The following BCOR variants were observed in gnomAD, a reference collection of about 807,000 sequenced individuals.
BCOR encodes the protein BCL-6 corepressor.
BCOR carries 10 observed loss-of-function variants against 86.7 expected under a neutral mutation model. The observed-to-expected ratio is 0.12, with a 90% CI of 0.07 to 0.20. BCOR has a LOEUF of 0.20. Among genes scored for constraint, BCOR ranks in the 10% least tolerant of loss-of-function variants. The pLI, the probability that BCOR is intolerant of heterozygous loss-of-function variation, is 1.00. For missense variants in BCOR, 1,259 were observed against 1,452.1 expected (o/e 0.87, Z 2.16); for synonymous variants, 611 against 609.0 (o/e 1.00, Z -0.05).
Position 40,168,222 on chromosome X carries a change from G to A in BCOR, c.-41+8785C>T, listed in dbSNP as rs1281951656. Among the ~76,000 whole-genome samples, 3 of 113,132 alleles carry A rather than the reference G, an allele frequency of 2.7e-5. No homozygotes were observed. In the Admixed American group the frequency reaches 2.8e-4, roughly 10 times the overall value. ...CTTTTCTTCCGTCCTTTATGTGTGC[G>A]GTCCTTTTGCATCAAGGAGCTCAGG... On this transcript the variant is annotated intron_variant, in intron 1 of 14. Coordinates refer to the BCOR transcript ENST00000342274.
At chrX:40,122,124 T>C (rs1006721130) in intron 1 of BCOR, among the ~76,000 whole-genome samples, 2 of 111,692 alleles carry the variant, frequency 1.8e-5, no homozygotes, top group Admixed American at 1.9e-4. Flanking sequence ...ACTTGAGATC[T>C]GGGGCTGGTC....
intron 1 of BCOR, among the ~76,000 whole-genome samples, chrX:40,160,515 CAAAA>C (rs774697720): frequency 5.0e-5 from 3 of 60,430 alleles, no homozygotes; most frequent in East Asian, 1.1e-3. Context: ...GACCCTGTCT[CAAAA>C]AAAAAAAAAA....
At chrX:40,159,510 C>G (rs1397608761) in intron 1 of BCOR, among the ~76,000 whole-genome samples, 3 of 110,777 alleles carry the variant, frequency 2.7e-5, no homozygotes, top group Admixed American at 9.5e-5. Context: ...ACGCGCCCGG[C>G]TAATTTTTTT....
intron 1 of BCOR, among the ~76,000 whole-genome samples, chrX:40,082,294 C>T (rs992717778): frequency 3.7e-5 from 4 of 107,297 alleles, no homozygotes; most frequent in African/African-American, 1.4e-4. Context: ...CTTGAGGCGC[C>T]GATCAGTTAA....
intron 13 of BCOR, 28 bp downstream of exon 13, chrX:40,054,228 C>T (rs1283963371): frequency 1.7e-5 from 20 of 1,188,232 alleles, no homozygotes; most frequent in East Asian, 5.9e-5. Flanking sequence ...TCACCTCCTA[C>T]GGAACTAGAG....
chrX:40,164,149 A>G (rs1448952073), intron 1 of BCOR, among the ~76,000 whole-genome samples: 1 of 112,621 alleles, frequency 8.9e-6, no homozygotes. Flanking sequence ...TACTGTGAGG[A>G]AGCCCATGCC....
At chrX:40,145,028 A>G (rs1271671126) in intron 1 of BCOR, among the ~76,000 whole-genome samples, 1 of 85,874 alleles carries the variant, frequency 1.2e-5, no homozygotes, top group Non-Finnish European at 2.1e-5. Flanking sequence ...CAAATTAAGC[A>G]TTTAGTCTGG....
chrX:40,065,066 G>A (rs763704334), intron 6 of BCOR, among the ~76,000 whole-genome samples: 2 of 112,029 alleles, frequency 1.8e-5, no homozygotes, highest in African/African-American at 6.5e-5. Context: ...GTCATCTATC[G>A]AAGGGATAAC....
At chrX:40,148,274 A>G (rs1486018076) in intron 1 of BCOR, among the ~76,000 whole-genome samples, 1 of 111,481 alleles carries the variant, frequency 9.0e-6, no homozygotes, top group Non-Finnish European at 1.9e-5. Context: ...TTGTCCGCAC[A>G]CGGGGCGGAT....
chrX:40,095,258 G>C (rs1289636965), intron 1 of BCOR, among the ~76,000 whole-genome samples: 1 of 112,153 alleles, frequency 8.9e-6, no homozygotes, highest in Non-Finnish European at 1.9e-5. Context: ...CAGGGTCAAG[G>C]AACGAGCGTA....
In BCOR at chrX:40,077,766, G is replaced by A. The variant is rs906291801; in HGVS notation, c.86+78C>T. The A allele has an allele frequency of 5.7e-5, 55 of 964,189 alleles. 1 individual carries two copies. The highest frequency in any genetic ancestry group is 5.1e-4 in the South Asian group (26 of 50,918). The allele number at this position is 964,189 out of a possible 1,213,427, so 79.5% of individuals were successfully genotyped here. A position where few individuals can be genotyped will look rare whatever the true frequency, so the allele number is the denominator to read the frequency against. On this transcript the variant is annotated intron_variant, in intron 2 of 14. Transcript: ENST00000378444. ...TCTCTCCCACCCCTTTTGGGCCCAC[G>A]GTGGCTGTGAGAAGTTGAGGGGGGC...
At chrX:40,106,715 C>T (rs187274549) in intron 1 of BCOR, among the ~76,000 whole-genome samples, 7 of 113,122 alleles carry the variant, frequency 6.2e-5, no homozygotes, top group Admixed American at 2.8e-4. Flanking sequence ...CTATAGAAAA[C>T]GTTTGCTTTT....
At chrX:40,155,837 T>C (rs763852454) in intron 1 of BCOR, among the ~76,000 whole-genome samples, 1 of 111,375 alleles carries the variant, frequency 9.0e-6, no homozygotes, top group African/African-American at 3.3e-5. Context: ...TGAGGCTGAC[T>C]CGCGGCTGGG....
At chrX:40,110,661 C>CTTTTTTTTTT (rs1569182584) in intron 1 of BCOR, among the ~76,000 whole-genome samples, 6 of 24,672 alleles carry the variant, frequency 2.4e-4, no homozygotes, top group Admixed American at 1.9e-3. Flanking sequence ...TTCTTTTTTC[C>CTTTTTTTTTT]TTTTTCTTTT....
chrX:40,087,704 T>C (rs1384163872), intron 1 of BCOR, among the ~76,000 whole-genome samples: 2 of 112,160 alleles, frequency 1.8e-5, no homozygotes, highest in African/African-American at 6.5e-5. Context: ...CTCTAGTTGA[T>C]GTCCTCTAGC....
chrX:40,159,538 G>C (rs1425872728), intron 1 of BCOR, among the ~76,000 whole-genome samples: 2 of 110,785 alleles, frequency 1.8e-5, no homozygotes, highest in African/African-American at 6.6e-5. Flanking sequence ...TTTTAGTAGA[G>C]ACGGGGTTTC....
At position 40,105,137 on chromosome X, in the gene BCOR, G is replaced by A. The variant is rs934419727; in HGVS notation, c.-40-27168C>T. ...CGGCGGCGAGGAGGGGGTGCTGGGA[G>A]GCGCGCGGCCGTTCCCGCGGGGTCT... On this transcript the variant is annotated intron_variant, in intron 1 of 14. Transcript: ENST00000342274. Among the ~76,000 whole-genome samples the A allele has an allele frequency of 1.4e-4, 16 of 111,096 alleles. 1 individual carries two copies. The highest frequency in any genetic ancestry group is 1.1e-3 in the Admixed American group (12 of 10,780).
chrX:40,165,284 C>T (rs764785662), intron 1 of BCOR, among the ~76,000 whole-genome samples: 3 of 111,805 alleles, frequency 2.7e-5, no homozygotes, highest in East Asian at 2.8e-4. Context: ...TTCCCCTCCC[C>T]GCCCTGCCAA....
At chrX:40,066,931 C>A (rs1274501195) in intron 6 of BCOR, among the ~76,000 whole-genome samples, 2 of 97,549 alleles carry the variant, frequency 2.1e-5, no homozygotes, top group Non-Finnish European at 4.2e-5. Context: ...ACCCCCCCCC[C>A]CCCATCAAAT....
Sources: gnomAD v4.1 joint callset for allele counts (sites outside exome capture counted in the v4.1 genomes callset) on GRCh38, gnomAD v4.1.1 for gene constraint, MANE v1.5 for transcripts, NCBI Gene and HGNC (gene_info 2026-07-23, HGNC 2026-07-21) for gene names.